The following ZCCHC14 variants were observed in gnomAD, a reference collection of about 807,000 sequenced individuals.
ZCCHC14 encodes the protein zinc finger CCHC-type containing 14, also known as zinc finger CCHC domain-containing protein 14.
Under a neutral mutation model 85.0 loss-of-function variants are expected in ZCCHC14, and 16 were observed. The observed-to-expected ratio is 0.19, with a 90% confidence interval of 0.13 to 0.29. The LOEUF (loss-of-function observed/expected upper bound fraction) is 0.29. Ranked by LOEUF, ZCCHC14 falls within the 10% of genes least tolerant of loss-of-function variation. ZCCHC14 has a pLI of 1.00. For missense variants in ZCCHC14, 1,303 were observed against 1,443.5 expected (o/e 0.90, Z 1.58); for synonymous variants, 775 against 630.7 (o/e 1.23, Z -3.43).
rs1417010314 is a variant in ZCCHC14, at chr16:87,407,959, C to T, written c.*2321G>A. The T allele has an allele frequency of 1.3e-5, 2 of 152,738 alleles. No individual in the cohort carries two copies. The highest frequency in any genetic ancestry group is 4.8e-5 in the African/African-American group (2 of 41,456). 9.5% of individuals were successfully genotyped at this position (152,738 alleles called of 1,614,324 possible). ...CCTACTTACAGCTGACGATTCTCGA[C>T]TTCGGACGGCCTCCCTGGAGATGTC... On this transcript the variant is annotated 3_prime_UTR_variant, in exon 13 of 13. Coordinates refer to ENST00000671377, the MANE Select transcript of ZCCHC14 (RefSeq NM_015144.3).
intron 3 of ZCCHC14, among the ~76,000 whole-genome samples, chr16:87,432,034 G>A (rs761422325): frequency 5.9e-5 from 9 of 152,198 alleles, no homozygotes; most frequent in African/African-American, 1.9e-4. Flanking sequence ...CAAACCAAGT[G>A]GAGACTTGTC....
intron 3 of ZCCHC14, among the ~76,000 whole-genome samples, chr16:87,428,124 T>C (rs989253546): frequency 6.6e-6 from 1 of 152,178 alleles, no homozygotes; most frequent in African/African-American, 2.4e-5. Context: ...CTAGCGATTA[T>C]AATTTCAGCA....
chr16:87,438,169 T>A (rs1292682699), intron 2 of ZCCHC14, among the ~76,000 whole-genome samples: 1 of 152,270 alleles, frequency 6.6e-6, no homozygotes, highest in South Asian at 2.1e-4. Flanking sequence ...AATGCTGTGG[T>A]ACCGCAGCAC....
chr16:87,491,518 G>A lies in ZCCHC14; in HGVS notation c.570+151C>T, dbSNP rs1912768124. On this transcript the variant is annotated intron_variant, in intron 1 of 12. Transcript: ENST00000671377. The surrounding 1 kb of genome is among the most constrained non-coding windows in gnomAD (Gnocchi z 5.9). ...GATGGGGCTTGGGATACGGGCTGGG[G>A]GCTCGTGGTGCAGGTTGGAGACCTG... is the stretch of plus-strand genomic sequence containing the variant. 4 of 602,066 alleles carry A rather than the reference G, an allele frequency of 6.6e-6. No individual in the cohort carries two copies. Among genetic ancestry groups the A allele is most frequent in the African/African-American group, 2.0e-5 (1 of 50,160 alleles). 37.3% of individuals were successfully genotyped at this position (602,066 alleles called of 1,614,324 possible).
At chr16:87,442,386 G>A (rs903593611) in intron 2 of ZCCHC14, among the ~76,000 whole-genome samples, 5 of 152,136 alleles carry the variant, frequency 3.3e-5, no homozygotes, top group African/African-American at 4.8e-5. Context: ...TCAGAGTCTC[G>A]TATCATACTA....
chr16:87,464,417 G>C (rs1036462802), intron 1 of ZCCHC14, among the ~76,000 whole-genome samples: 2 of 152,190 alleles, frequency 1.3e-5, no homozygotes, highest in Non-Finnish European at 2.9e-5. Flanking sequence ...CCAAGTCCAG[G>C]TTTTATACTG....
chr16:87,486,015 G>C (rs1912500233), intron 1 of ZCCHC14, among the ~76,000 whole-genome samples: 1 of 152,110 alleles, frequency 6.6e-6, no homozygotes, highest in Non-Finnish European at 1.5e-5. Context: ...TTCTACAACT[G>C]TGCTCCAGAA....
At chr16:87,467,185 G>A (rs1306429597) in intron 1 of ZCCHC14, 1 of 1,404,786 alleles carries the variant, frequency 7.1e-7, no homozygotes, top group Admixed American at 1.7e-5. Context: ...CCTCTGGCGG[G>A]AGAAGACTAT....
Position 87,492,915 on chromosome 16 carries a change from CG to C in ZCCHC14, c.-678del, listed in dbSNP as rs1337665797. On this transcript the variant is annotated 5_prime_UTR_variant, in exon 1 of 13. Coordinates refer to ENST00000671377, the MANE Select transcript of ZCCHC14 (RefSeq NM_015144.3). This position sits in a 1 kb window ranked among gnomAD's most constrained non-coding sequence, Gnocchi z 6.7. ...ACGGATCCGGGCCCGAGCGCGGCGG[CG>C]GCGGCGACGGCGACGGCGACGGCGA... Among the ~76,000 whole-genome samples, 1 of 149,020 alleles carries C rather than the reference CG, an allele frequency of 6.7e-6. No individual in the cohort carries two copies. Among genetic ancestry groups the C allele is most frequent in the Non-Finnish European group, 1.5e-5 (1 of 66,888 alleles).
chr16:87,415,125 T>A (rs1908717289), intron 9 of ZCCHC14, 151 bp downstream of exon 9: 3 of 587,632 alleles, frequency 5.1e-6, no homozygotes, highest in Admixed American at 3.6e-5. Flanking sequence ...AAAAAATAAA[T>A]AAATAAAAAT....
chr16:87,443,220 G>A (rs758237562), intron 2 of ZCCHC14, among the ~76,000 whole-genome samples: 2 of 152,252 alleles, frequency 1.3e-5, no homozygotes, highest in Non-Finnish European at 2.9e-5. Flanking sequence ...GCAGAGGCCT[G>A]GATGGTGGTC....
chr16:87,445,129 T>G (rs1910373737), intron 2 of ZCCHC14, among the ~76,000 whole-genome samples: 1 of 151,722 alleles, frequency 6.6e-6, no homozygotes, highest in Middle Eastern at 3.4e-3. Flanking sequence ...TGCAGCGGTG[T>G]GATATCAGCT....
chr16:87,450,386 G>A (rs1910639342), intron 2 of ZCCHC14, among the ~76,000 whole-genome samples: 1 of 152,142 alleles, frequency 6.6e-6, no homozygotes, highest in Non-Finnish European at 1.5e-5. Flanking sequence ...CACTGATTAA[G>A]CTGCTCCTTC....
chr16:87,450,395 T>A (rs1184073757), intron 2 of ZCCHC14, among the ~76,000 whole-genome samples: 2 of 152,212 alleles, frequency 1.3e-5, no homozygotes, highest in African/African-American at 4.8e-5. Context: ...AGCTGCTCCT[T>A]CTTCCCTACA....
At chr16:87,453,197 G>A (rs984627824) in intron 2 of ZCCHC14, among the ~76,000 whole-genome samples, 4 of 152,240 alleles carry the variant, frequency 2.6e-5, no homozygotes, top group African/African-American at 7.2e-5. Context: ...CAGCGCTCAC[G>A]CAGAGCCCGA....
At chr16:87,465,388 T>C (rs1911471682) in intron 1 of ZCCHC14, among the ~76,000 whole-genome samples, 1 of 152,254 alleles carries the variant, frequency 6.6e-6, no homozygotes, top group African/African-American at 2.4e-5. Context: ...TTCTGCAATC[T>C]ACATTATGTA....
intron 3 of ZCCHC14, among the ~76,000 whole-genome samples, chr16:87,432,926 C>G (rs1909733814): frequency 6.6e-6 from 1 of 152,046 alleles, no homozygotes; most frequent in Admixed American, 6.5e-5. Context: ...GAGCCCCCAC[C>G]CTTCCCGCCT....
At chr16:87,452,372 G>A (rs1372565525) in intron 2 of ZCCHC14, among the ~76,000 whole-genome samples, 2 of 152,188 alleles carry the variant, frequency 1.3e-5, no homozygotes, top group Non-Finnish European at 2.9e-5. Context: ...AAATATTCAC[G>A]TTATCAGTGG....
intron 1 of ZCCHC14, among the ~76,000 whole-genome samples, chr16:87,481,537 GGGGGT>G (rs1567544355): frequency 7.5e-4 from 25 of 33,124 alleles, no homozygotes; most frequent in African/African-American, 2.2e-3. Flanking sequence ...GGGGGGGGGG[GGGGGT>G]GGGGGGGGGG....
Sources: gnomAD v4.1 joint callset for allele counts (sites outside exome capture counted in the v4.1 genomes callset) on GRCh38, gnomAD v4.1.1 for gene constraint, Gnocchi (gnomAD v3.1) non-coding constraint, MANE v1.5 for transcripts, NCBI Gene and HGNC (gene_info 2026-07-23, HGNC 2026-07-21) for gene names.